Variants in B3GAT2 observed in about 807,000 individuals in gnomAD.
B3GAT2 encodes the protein beta-1,3-glucuronyltransferase 2.
B3GAT2 carries 26 observed loss-of-function variants against 27.8 expected under a neutral mutation model. The ratio of observed to expected loss-of-function variants is 0.93; its 90% CI spans 0.68 to 1.30. B3GAT2 has a LOEUF of 1.30. Among genes scored for constraint, B3GAT2 ranks in the 50% most tolerant of loss-of-function variants. B3GAT2 has a pLI of 0.00. For missense variants in B3GAT2, 458 were observed against 459.0 expected (o/e 1.00, Z 0.02); for synonymous variants, 218 against 195.1 (o/e 1.12, Z -0.98).
At chr6:70,914,411 C>T (rs1772735084) in intron 1 of B3GAT2, among the ~76,000 whole-genome samples, 1 of 152,136 alleles carries the variant, frequency 6.6e-6, no homozygotes. Context: ...TGATAGTTTG[C>T]TGAGAACGAT....
At chr6:70,953,975 G>A (rs928841083) in intron 1 of B3GAT2, among the ~76,000 whole-genome samples, 2 of 152,180 alleles carry the variant, frequency 1.3e-5, no homozygotes, top group African/African-American at 4.8e-5. Context: ...GCCTGCGTGT[G>A]CCAATTCTTC....
At position 70,926,000 on chromosome 6, in the gene B3GAT2, G is replaced by A. The variant is rs556247334; in HGVS notation, c.591+29839C>T. Among the ~76,000 whole-genome samples, 4 of 152,350 alleles carry A rather than the reference G, an allele frequency of 2.6e-5. No individual in the cohort carries two copies. The East Asian group carries it at 7.7e-4, about 29-fold the overall frequency. On this transcript the variant is annotated intron_variant, in intron 1 of 3. Coordinates refer to ENST00000230053, the MANE Select transcript of B3GAT2 (RefSeq NM_080742.3). ...GCCGTTCTGCAATATTTGTTGTTCT[G>A]CAGCCTCTGCTGGTGACACCCAGGC... is the stretch of plus-strand genomic sequence containing the variant.
At chr6:70,912,599 T>C (rs1013838685) in intron 1 of B3GAT2, among the ~76,000 whole-genome samples, 2 of 152,078 alleles carry the variant, frequency 1.3e-5, no homozygotes, top group East Asian at 1.9e-4. Context: ...TCTTTTTATG[T>C]TGTCTCTCCC....
chr6:70,866,999 T>C lies in B3GAT2; in HGVS notation c.737-5021A>G, dbSNP rs371171959. On this transcript the variant is annotated intron_variant, in intron 2 of 3. Coordinates refer to ENST00000230053, the MANE Select transcript of B3GAT2 (RefSeq NM_080742.3). Reference sequence around the variant, plus strand: ...GACTACAGTGGAATTAAAATAGATATCAGTAAATACAAAGATACCTGGAAA... The same window carrying C: ...GACTACAGTGGAATTAAAATAGATACCAGTAAATACAAAGATACCTGGAAA... 1.4e-4 allele frequency among the ~76,000 whole-genome samples: 21 copies of C among 152,062 alleles called. No individual in the cohort carries two copies. The East Asian group carries it at 3.7e-3, about 27-fold the overall frequency.
chr6:70,927,956 T>C (rs968673393), intron 1 of B3GAT2, among the ~76,000 whole-genome samples: 1 of 152,086 alleles, frequency 6.6e-6, no homozygotes, highest in African/African-American at 2.4e-5. Context: ...CCTCAGCAAA[T>C]GTAAAAGAAC....
chr6:70,920,481 C>G (rs921968706), intron 1 of B3GAT2, among the ~76,000 whole-genome samples: 1 of 152,204 alleles, frequency 6.6e-6, no homozygotes, highest in Admixed American at 6.5e-5. Context: ...GTTGGAAATG[C>G]AGAAATTACC....
At chr6:70,888,961 C>G (rs924133010) in intron 2 of B3GAT2, among the ~76,000 whole-genome samples, 3 of 152,176 alleles carry the variant, frequency 2.0e-5, no homozygotes. Flanking sequence ...TTTTCGACCC[C>G]ACGATGTATC....
chr6:70,935,825 T>C, intron 1 of B3GAT2, among the ~76,000 whole-genome samples: 1 of 152,110 alleles, frequency 6.6e-6, no homozygotes, highest in Non-Finnish European at 1.5e-5. Flanking sequence ...CCATCAAGGC[T>C]AGGAAGAAAC....
At chr6:70,904,585 G>T (rs781016842) in intron 1 of B3GAT2, among the ~76,000 whole-genome samples, 4 of 152,124 alleles carry the variant, frequency 2.6e-5, no homozygotes, top group Non-Finnish European at 4.4e-5. Context: ...GATATCTTGG[G>T]CCAAAAACGC....
intron 2 of B3GAT2, among the ~76,000 whole-genome samples, chr6:70,880,114 G>A (rs997522827): frequency 1.2e-4 from 18 of 152,048 alleles, no homozygotes; most frequent in Admixed American, 3.9e-4. Context: ...GTGGCAATGC[G>A]GCAGAGGAGG....
chr6:70,858,295 T>A lies in B3GAT2; in HGVS notation c.*3368A>T. On this transcript the variant is annotated 3_prime_UTR_variant, in exon 4 of 4. Coordinates refer to ENST00000230053, the MANE Select transcript of B3GAT2 (RefSeq NM_080742.3). ...AGATTTATTTTCTAAATCTTTTTTT[T>A]TTTTTTTTTTTTTTTTTTTTAAGTC... 8.3e-7 allele frequency: 1 copy of A among 1,209,588 alleles called. No homozygotes were observed. Among genetic ancestry groups the A allele is most frequent in the Non-Finnish European group, 1.1e-6 (1 of 906,922 alleles). The allele number at this position is 1,209,588 out of a possible 1,614,324, so 74.9% of individuals were successfully genotyped here.
rs934168730 is a variant in B3GAT2, at chr6:70,861,364, T to C, written c.*299A>G. The stretch of plus-strand genomic sequence containing the variant: ...GGGCAAATTGGAGAAAAAGAAAAAA[T>C]ATATACTCAAGAGTGGTATCTTGCA... On this transcript the variant is annotated 3_prime_UTR_variant, in exon 4 of 4. Transcript: ENST00000230053. 2 of 269,586 alleles carry C rather than the reference T, an allele frequency of 7.4e-6. No individual in the cohort carries two copies. The highest frequency in any genetic ancestry group is 4.3e-5 in the African/African-American group (2 of 46,438). The allele number at this position is 269,586 out of a possible 1,614,324, so 16.7% of individuals were successfully genotyped here.
chr6:70,883,025 C>T (rs1467845277), intron 2 of B3GAT2, among the ~76,000 whole-genome samples: 1 of 152,152 alleles, frequency 6.6e-6, no homozygotes, highest in African/African-American at 2.4e-5. Context: ...ACCACTTCAT[C>T]CCCATTAGGT....
At chr6:70,877,214 C>T (rs1027427446) in intron 2 of B3GAT2, among the ~76,000 whole-genome samples, 6 of 152,188 alleles carry the variant, frequency 3.9e-5, no homozygotes, top group African/African-American at 1.4e-4. Flanking sequence ...CAGATGGGCC[C>T]CACCGGGGGT....
chr6:70,923,223 CA>C (rs1188610712), intron 1 of B3GAT2, among the ~76,000 whole-genome samples: 2 of 152,056 alleles, frequency 1.3e-5, no homozygotes, highest in Admixed American at 6.5e-5. Flanking sequence ...ATGTTTAAAA[CA>C]AAAAGACACA....
At position 70,894,288 on chromosome 6, in the gene B3GAT2, A is replaced by G; in HGVS notation, c.592-16T>C. 1 of 1,559,588 alleles carries G rather than the reference A, an allele frequency of 6.4e-7. No individual in the cohort carries two copies. On this transcript the variant is annotated splice_polypyrimidine_tract_variant and intron_variant, in intron 1 of 3. Coordinates refer to ENST00000230053, the MANE Select transcript of B3GAT2 (RefSeq NM_080742.3). ...TGGTTCGCATCTATAAAAAGGGAAAAGACATGTGTTTTAAGTTTCCTTAGG... is the reference window on the plus strand; with the variant it reads ...TGGTTCGCATCTATAAAAAGGGAAAGGACATGTGTTTTAAGTTTCCTTAGG...
rs767612928 is a variant in B3GAT2, at chr6:70,956,037, C to G, written c.393G>C (p.Ala131=). The G allele has an allele frequency of 6.4e-7, 1 of 1,559,980 alleles. No individual in the cohort carries two copies. The highest frequency in any genetic ancestry group is 1.9e-5 in the Admixed American group (1 of 53,780). The change falls in exon 1 of 4, where the codon GCG becomes GCC. Residue 131 remains alanine, a synonymous_variant. Transcript: ENST00000230053. Reference sequence around the variant, plus strand: ...GGTGAGTGCTGGGCAGCCCGGCCCGCGCCAGGAAGCGGCTCACCAGCTCGC... The same window carrying G: ...GGTGAGTGCTGGGCAGCCCGGCCCGGGCCAGGAAGCGGCTCACCAGCTCGC... ...ARSELVSRFL[A]RAGLPSTHLH...
At chr6:70,937,261 T>C (rs1765304063) in intron 1 of B3GAT2, among the ~76,000 whole-genome samples, 2 of 151,386 alleles carry the variant, frequency 1.3e-5, no homozygotes, top group African/African-American at 4.9e-5. Context: ...CAATAATCAA[T>C]AGCTTACCAA....
rs975532091 is a variant in B3GAT2, at chr6:70,857,543, C to T, written c.*4120G>A. ...AAAATTGTTGGGCAGCCCACTACAC[C>T]TATTGAAGCGAGATATAGTCAGCTC... On this transcript the variant is annotated 3_prime_UTR_variant, in exon 4 of 4. Coordinates refer to ENST00000230053, the MANE Select transcript of B3GAT2 (RefSeq NM_080742.3). The T allele has an allele frequency of 2.5e-5, 5 of 203,412 alleles. No individual in the cohort carries two copies. The South Asian group carries it at 4.1e-4, about 17-fold the overall frequency. The allele number at this position is 203,412 out of a possible 1,614,324, so 12.6% of individuals were successfully genotyped here.
Sources: gnomAD v4.1 joint callset for allele counts (sites outside exome capture counted in the v4.1 genomes callset) on GRCh38, gnomAD v4.1.1 for gene constraint, MANE v1.5 for transcripts, NCBI Gene and HGNC (gene_info 2026-07-23, HGNC 2026-07-21) for gene names.